MBTD1: variants seen among roughly 807,000 people sequenced by gnomAD.
The protein encoded by MBTD1 is mbt domain containing 1, also known as MBT domain-containing protein 1.
In MBTD1, 24 loss-of-function variants were observed where a neutral mutation model predicts 87.8. The observed-to-expected ratio is 0.27, with a 90% confidence interval of 0.20 to 0.38. MBTD1 has a LOEUF of 0.38. Among genes scored for constraint, MBTD1 ranks in the 10% least tolerant of loss-of-function variants. MBTD1 has a pLI of 1.00. For synonymous variants in MBTD1, 237 were observed against 248.6 expected (o/e 0.95, Z 0.44); for missense variants, 436 against 760.2 (o/e 0.57, Z 5.02).
rs10545166 is a variant in MBTD1, at chr17:51,191,260, C to CTTT, written c.1768+940_1768+942dup. Among the ~76,000 whole-genome samples, 340 of 136,608 alleles carry CTTT rather than the reference C, an allele frequency of 2.5e-3. 4 individuals are homozygous for CTTT. Among genetic ancestry groups the CTTT allele is most frequent in the African/African-American group, 8.7e-3 (313 of 36,000 alleles). 89.6% of individuals were successfully genotyped at this position (136,608 alleles called of 152,430 possible). A position where few individuals can be genotyped will look rare whatever the true frequency, so the allele number is the denominator to read the frequency against. On this transcript the variant is annotated intron_variant, in intron 16 of 16. Coordinates refer to ENST00000586178, the MANE Select transcript of MBTD1 (RefSeq NM_017643.3). Reference sequence around the variant, plus strand: ...GTAAAATATAGTATAGAAAGAATTTCTTTTTTTTTTTTTTTTTCGAGATGG... The same window carrying CTTT: ...GTAAAATATAGTATAGAAAGAATTTCTTTTTTTTTTTTTTTTTTTTCGAGATGG...
chr17:51,240,058 G>A (rs1386648305), intron 2 of MBTD1, among the ~76,000 whole-genome samples: 2 of 152,058 alleles, frequency 1.3e-5, no homozygotes, highest in East Asian at 3.9e-4. Flanking sequence ...TATATTTGAT[G>A]TCTTTTAAGA....
Position 51,195,218 on chromosome 17 carries a change from G to C in MBTD1, c.1368C>G (p.Pro456=). Residue 456 remains proline, a synonymous_variant, in exon 13 of 17, where the codon CCC becomes CCG. Coordinates refer to ENST00000586178, the MANE Select transcript of MBTD1 (RefSeq NM_017643.3). The part of the protein sequence containing the change: ...CEINMIELTP[P]RGYTKLPFKW... ...GTTTATATTAGGATGAAGTACCTCT[G>C]GGTGGAGTAAGTTCAATCATGTTAA... 6.2e-7 allele frequency: 1 copy of C among 1,611,112 alleles called. No individual in the cohort carries two copies. The highest frequency in any genetic ancestry group is 8.5e-7 in the Non-Finnish European group (1 of 1,179,088).
In MBTD1 at chr17:51,193,417, T is replaced by C. The variant is rs2050908488; in HGVS notation, c.1455+11A>G. 2 of 1,589,300 alleles carry C rather than the reference T, an allele frequency of 1.3e-6. No homozygotes were observed. Among genetic ancestry groups the C allele is most frequent in the South Asian group, 2.2e-5 (2 of 89,404 alleles). The stretch of plus-strand genomic sequence containing the variant: ...AAGTCCTCACATAATTATGCTGCCA[T>C]TTAAATTTACCTTATTAAATAGTTT... On this transcript the variant is annotated intron_variant, in intron 14 of 16. Transcript: ENST00000586178.
upstream of MBTD1, chr17:51,260,447 G>C: frequency 1.1e-6 from 1 of 905,616 alleles, no homozygotes; most frequent in Non-Finnish European, 1.6e-6. Flanking sequence ...TAGAGGGAGG[G>C]AGTGCTGGTC....
At chr17:51,229,658 TAC>T (rs202202498) in intron 2 of MBTD1, among the ~76,000 whole-genome samples, 4 of 122,366 alleles carry the variant, frequency 3.3e-5, no homozygotes, top group African/African-American at 1.4e-4. Context: ...ATTTTTAGTA[TAC>T]TTTTTTTTTT....
intron 16 of MBTD1, among the ~76,000 whole-genome samples, chr17:51,186,734 AC>A (rs35394387): frequency 0.17 from 25,807 of 151,788 alleles, 2,376 homozygotes; most frequent in Admixed American, 0.24. Context: ...AGATCGTGCC[AC>A]TGCACTCCAA....
At chr17:51,259,443 C>G (rs1320421087) in intron 1 of MBTD1, among the ~76,000 whole-genome samples, 1 of 152,122 alleles carries the variant, frequency 6.6e-6, no homozygotes, top group African/African-American at 2.4e-5. Context: ...CGAAACTGTG[C>G]TCCCCCTCCC....
intron 2 of MBTD1, among the ~76,000 whole-genome samples, chr17:51,252,842 C>T (rs779846227): frequency 1.3e-5 from 2 of 152,058 alleles, no homozygotes; most frequent in South Asian, 4.2e-4. Context: ...GTAAACCTTG[C>T]TTTATATTTG....
chr17:51,207,213 A>C (rs2051894605), intron 6 of MBTD1, among the ~76,000 whole-genome samples: 1 of 152,236 alleles, frequency 6.6e-6, no homozygotes. Context: ...GACTAGATTC[A>C]TGCTGACTTC....
intron 4 of MBTD1, among the ~76,000 whole-genome samples, chr17:51,219,417 TAAGAG>T (rs1194347970): frequency 1.3e-5 from 2 of 152,228 alleles, no homozygotes; most frequent in Non-Finnish European, 2.9e-5. Context: ...ATTTATATGG[TAAGAG>T]AAGATAATTT....
At chr17:51,203,588 G>A (rs1302458496) in intron 8 of MBTD1, among the ~76,000 whole-genome samples, 4 of 152,022 alleles carry the variant, frequency 2.6e-5, no homozygotes, top group African/African-American at 4.8e-5. Flanking sequence ...GTTGAGATGG[G>A]GTTTTGCCAT....
chr17:51,254,334 A>G (rs1268837147), intron 2 of MBTD1, among the ~76,000 whole-genome samples: 1 of 152,244 alleles, frequency 6.6e-6, no homozygotes, highest in Non-Finnish European at 1.5e-5. Flanking sequence ...TTCTAAGCTT[A>G]CTGTTACGAG....
chr17:51,237,582 A>T (rs1281607335), intron 2 of MBTD1, among the ~76,000 whole-genome samples: 1 of 152,230 alleles, frequency 6.6e-6, no homozygotes, highest in Non-Finnish European at 1.5e-5. Flanking sequence ...GATGCTCAAC[A>T]TCAGCGGTCA....
rs140430740 is a variant in MBTD1 at position 51,240,437 on chromosome 17, G to A, written c.-48-15228C>T. Among the ~76,000 whole-genome samples, 327 of 152,210 alleles carry A rather than the reference G, an allele frequency of 2.1e-3. 2 individuals carry two copies. The highest frequency in any genetic ancestry group is 7.3e-3 in the African/African-American group (303 of 41,534). ...TGTGAGAATTTCTCAGGTTTTCTTG[G>A]TTTTTCATGACCTTGACAGTTTTGA... On this transcript the variant is annotated intron_variant, in intron 2 of 16. Transcript: ENST00000586178.
upstream of MBTD1, chr17:51,260,552 C>T: frequency 6.3e-7 from 1 of 1,593,508 alleles, no homozygotes; most frequent in South Asian, 1.1e-5. Context: ...CGAGGTTCCA[C>T]GTGAGCGCCT....
At chr17:51,259,691 G>A (rs1184553905) in intron 1 of MBTD1, 144 bp downstream of exon 1, 8 of 705,860 alleles carry the variant, frequency 1.1e-5, no homozygotes, top group East Asian at 3.4e-5. Flanking sequence ...GGAAGGGGGA[G>A]GGGGGCTCCG....
chr17:51,245,773 A>G (rs560783892), intron 2 of MBTD1, among the ~76,000 whole-genome samples: 2 of 152,096 alleles, frequency 1.3e-5, no homozygotes, highest in African/African-American at 2.4e-5. Context: ...ATGTATTCTG[A>G]TATCTTGCAG....
Position 51,217,318 on chromosome 17 carries a change from G to A in MBTD1, c.486+16C>T, listed in dbSNP as rs2052626481. 2.8e-6 allele frequency: 4 copies of A among 1,452,056 alleles called. No individual in the cohort carries two copies. Among genetic ancestry groups the A allele is most frequent in the African/African-American group, 2.9e-5 (2 of 70,118 alleles). The allele number at this position is 1,452,056 out of a possible 1,614,324, so 89.9% of individuals were successfully genotyped here. A position where few individuals can be genotyped will look rare whatever the true frequency, so the allele number is the denominator to read the frequency against. The stretch of plus-strand genomic sequence containing the variant: ...GACTAAGTACTTCAAAATAAGGTGA[G>A]AAATTCTGTACTTACATGTTTAAAA... On this transcript the variant is annotated intron_variant, in intron 6 of 16. Transcript: ENST00000586178.
chr17:51,203,781 AACT>A lies in MBTD1; in HGVS notation c.739+7_739+9del, dbSNP rs749452574. 6.2e-7 allele frequency: 1 copy of A among 1,603,902 alleles called. No individual in the cohort carries two copies. On this transcript the variant is annotated splice_region_variant and intron_variant, in intron 8 of 16. Coordinates refer to ENST00000586178, the MANE Select transcript of MBTD1 (RefSeq NM_017643.3). Reference sequence around the variant, plus strand: ...AAAAAAATTACGGTAAGGGTAAATAAACTACTTACTTCTAGGAGGAACAAGAGG... The same window carrying A: ...AAAAAAATTACGGTAAGGGTAAATAAACTTACTTCTAGGAGGAACAAGAGG...
Sources: gnomAD v4.1 joint callset for allele counts (sites outside exome capture counted in the v4.1 genomes callset) on GRCh38, gnomAD v4.1.1 for gene constraint, MANE v1.5 for transcripts, NCBI Gene and HGNC (gene_info 2026-07-23, HGNC 2026-07-21) for gene names.